AFDN: variants seen among roughly 807,000 people sequenced by gnomAD.
AFDN encodes the protein afadin, adherens junction formation factor, also known as afadin.
In AFDN, 68 loss-of-function variants were observed where a neutral mutation model predicts 216.6. The observed-to-expected ratio is 0.31, with a 90% CI of 0.26 to 0.38. The LOEUF (loss-of-function observed/expected upper bound fraction) is 0.38, where lower values mean the gene tolerates loss of function less well. Among genes scored for constraint, AFDN ranks in the 10% least tolerant of loss-of-function variants. The pLI is 1.00. For synonymous variants in AFDN, 868 were observed against 853.7 expected (o/e 1.02, Z -0.29); for missense variants, 2,136 against 2,342.0 (o/e 0.91, Z 1.82).
intron 13 of AFDN, among the ~76,000 whole-genome samples, chr6:167,909,024 C>CT (rs1297723268): frequency 6.6e-6 from 1 of 151,972 alleles, no homozygotes; most frequent in Admixed American, 6.5e-5. Flanking sequence ...AATGTAAACA[C>CT]TTTTTTACCA....
intron 1 of AFDN, among the ~76,000 whole-genome samples, chr6:167,839,932 C>T (rs1266623153): frequency 3.3e-5 from 5 of 152,136 alleles, no homozygotes; most frequent in Non-Finnish European, 7.4e-5. Context: ...GAGATGTGTC[C>T]TCTTTGTACC....
Position 167,965,750 on chromosome 6 carries a change from C to T in AFDN, c.4969-7C>T. On this transcript the variant is annotated splice_polypyrimidine_tract_variant and splice_region_variant and intron_variant, in intron 31 of 33. Coordinates refer to ENST00000683244, the MANE Select transcript of AFDN (RefSeq NM_001386888.1). ...ACCTTTGCACTCTTGTCTATTCCCGCCCGCAGAGGCGACAGGAAGAAGGGT... is the reference window on the plus strand; with the variant it reads ...ACCTTTGCACTCTTGTCTATTCCCGTCCGCAGAGGCGACAGGAAGAAGGGT... 3 of 1,526,262 alleles carry T rather than the reference C, an allele frequency of 2.0e-6. No homozygotes were observed. The highest frequency in any genetic ancestry group is 2.6e-6 in the Non-Finnish European group (3 of 1,137,804). 94.5% of individuals were successfully genotyped at this position (1,526,262 alleles called of 1,614,324 possible).
At position 167,940,465 on chromosome 6, in the gene AFDN, TCCACAGGAGAGA is replaced by T. The variant is rs1260810110; in HGVS notation, c.3100-2663_3100-2652del. ...GATGTAGGGGTGAGGGTGGAAACCA[TCCACAGGAGAGA>T]TGTGTGGACAGACACAGAGGGATGT... On this transcript the variant is annotated intron_variant, in intron 23 of 33. Transcript: ENST00000683244. Among the ~76,000 whole-genome samples, 49 of 34,548 alleles carry T rather than the reference TCCACAGGAGAGA, an allele frequency of 1.4e-3. 1 individual carries two copies. The highest frequency in any genetic ancestry group is 2.4e-3 in the South Asian group (1 of 418). The allele number at this position is 34,548 out of a possible 152,430, so 22.7% of individuals were successfully genotyped here. A position where few individuals can be genotyped will look rare whatever the true frequency, so the allele number is the denominator to read the frequency against.
rs114791412 is a variant in AFDN, at chr6:167,920,631, C to T, written c.2908+1698C>T. On this transcript the variant is annotated intron_variant, in intron 21 of 33. Transcript: ENST00000683244. Reference sequence around the variant, plus strand: ...GCGGATGGCGCTCTCCTGCCAGGAACTCTTCCTCTGTCATGTGTGGGATTA... The same window carrying T: ...GCGGATGGCGCTCTCCTGCCAGGAATTCTTCCTCTGTCATGTGTGGGATTA... Among the ~76,000 whole-genome samples the T allele has an allele frequency of 8.9e-3, 1,362 of 152,332 alleles. 13 individuals are homozygous for T. The highest frequency in any genetic ancestry group is 0.031 in the African/African-American group (1,290 of 41,564).
intron 6 of AFDN, among the ~76,000 whole-genome samples, chr6:167,885,530 A>G (rs1343248196): frequency 2.0e-5 from 3 of 152,234 alleles, no homozygotes; most frequent in African/African-American, 7.2e-5. Context: ...TGGAACATTC[A>G]GAACACACAC....
intron 30 of AFDN, among the ~76,000 whole-genome samples, chr6:167,958,012 A>T (rs1157879209): frequency 2.6e-5 from 4 of 152,206 alleles, no homozygotes. Flanking sequence ...TTGCCAGTAC[A>T]TGTTGAACAT....
intron 1 of AFDN, among the ~76,000 whole-genome samples, chr6:167,829,898 G>C (rs1779639078): frequency 6.6e-6 from 1 of 151,968 alleles, no homozygotes; most frequent in African/African-American, 2.4e-5. Context: ...TTTTTCCTTT[G>C]TATTCACATT....
chr6:167,833,088 C>T (rs956642100), intron 1 of AFDN, among the ~76,000 whole-genome samples: 8 of 152,174 alleles, frequency 5.3e-5, no homozygotes, highest in African/African-American at 1.9e-4. Flanking sequence ...TTATTAGTGC[C>T]TGACTGACCT....
chr6:167,959,167 G>A lies in AFDN; in HGVS notation c.4834-3266G>A, dbSNP rs181835329. ...GGTGTTAAGTCTCTGCCACAAGGGC[G>A]TTTCACCAGCTAAGCTCTAGATCTT... On this transcript the variant is annotated intron_variant, in intron 30 of 33. Transcript: ENST00000683244. Among the ~76,000 whole-genome samples, 179 of 152,324 alleles carry A rather than the reference G, an allele frequency of 1.2e-3. 2 individuals carry two copies. The highest frequency in any genetic ancestry group is 4.1e-4 in the Non-Finnish European group (28 of 68,036).
intron 32 of AFDN, 98 bp downstream of exon 32, chr6:167,966,143 CG>C: frequency 6.5e-7 from 1 of 1,535,096 alleles, no homozygotes; most frequent in African/African-American, 1.4e-5. Context: ...GCCCGGCCTC[CG>C]ATGGCGTCTT....
At chr6:167,828,105 A>G (rs1057262218) in intron 1 of AFDN, among the ~76,000 whole-genome samples, 3 of 152,194 alleles carry the variant, frequency 2.0e-5, no homozygotes, top group African/African-American at 7.2e-5. Context: ...CGCTCTGTTC[A>G]TTCGGTGGCT....
upstream of AFDN, chr6:167,826,857 A>ACGACGGCGGG (rs1554273024): frequency 7.0e-6 from 1 of 143,412 alleles, no homozygotes; most frequent in Non-Finnish European, 1.5e-5. Flanking sequence ...GGCGGCGCGC[A>ACGACGGCGGG]CGGCGGCGGG....
intron 1 of AFDN, among the ~76,000 whole-genome samples, chr6:167,856,110 T>C (rs1782866761): frequency 6.6e-6 from 1 of 152,188 alleles, no homozygotes; most frequent in Admixed American, 6.5e-5. Context: ...TGCCTGTTAG[T>C]CACATATAGC....
rs748578072 is a variant in AFDN, at chr6:167,962,459, G to A, written c.4860G>A (p.Gln1620=). 6.2e-7 allele frequency: 1 copy of A among 1,613,738 alleles called. No individual in the cohort carries two copies. The highest frequency in any genetic ancestry group is 8.5e-7 in the Non-Finnish European group (1 of 1,179,738). ...TGCAGGACGAGGAGCGGAGGCGGCA[G>A]CAGCAGTTAGAAGAGATGCGCAAGC... ...ARLQDEERRR[Q]QQLEEMRKRE... The change falls in exon 31 of 34, where the codon CAG becomes CAA. Residue 1620 remains glutamine (Q), a synonymous_variant. Transcript: ENST00000683244. This position sits in a 1 kb window ranked among gnomAD's most constrained non-coding sequence, Gnocchi z 5.2.
At chr6:167,852,606 G>A (rs762333206) in intron 1 of AFDN, among the ~76,000 whole-genome samples, 2 of 152,054 alleles carry the variant, frequency 1.3e-5, no homozygotes, top group African/African-American at 2.4e-5. Context: ...ACAAAATGGC[G>A]TTTTTCTAAT....
Position 167,907,289 on chromosome 6 carries a change from G to A in AFDN, c.1769G>A (p.Arg590Lys). 1 of 1,610,082 alleles carries A rather than the reference G, an allele frequency of 6.2e-7. No individual in the cohort carries two copies. The highest frequency in any genetic ancestry group is 8.5e-7 in the Non-Finnish European group (1 of 1,176,538). The change falls in exon 13 of 34, where the codon AGA becomes AAA. Residue 590 changes from arginine to lysine, a missense_variant and splice_region_variant. By Grantham distance (26) the Arg-to-Lys change is conservative (BLOSUM62 2). Transcript: ENST00000683244. Reference sequence around the variant, plus strand: ...CCAGATTATCGCAGGCAAGAAAGCAGGTAGGAAACACATCATTTTTCAATG... The same window carrying A: ...CCAGATTATCGCAGGCAAGAAAGCAAGTAGGAAACACATCATTTTTCAATG... The part of the protein sequence containing the change: ...QQPDYRRQES[R>K]TQDASGPELI...
At chr6:167,900,751 G>A (rs1788841672) in intron 11 of AFDN, among the ~76,000 whole-genome samples, 1 of 152,206 alleles carries the variant, frequency 6.6e-6, no homozygotes, top group Non-Finnish European at 1.5e-5. Flanking sequence ...TTTGGTAGGT[G>A]GCAGAGAAGC....
intron 23 of AFDN, among the ~76,000 whole-genome samples, chr6:167,933,923 A>C (rs570800053): frequency 1.3e-4 from 20 of 152,286 alleles, no homozygotes; most frequent in Admixed American, 1.2e-3. Context: ...GGCTTGCCCC[A>C]TCTCTCTCAG....
intron 1 of AFDN, chr6:167,827,567 C>T (rs1482315096): frequency 3.4e-5 from 5 of 145,516 alleles, no homozygotes; most frequent in Non-Finnish European, 7.6e-5. Context: ...GCGGCCCCGG[C>T]CTCATCCCCG....
Sources: gnomAD v4.1 joint callset for allele counts (sites outside exome capture counted in the v4.1 genomes callset) on GRCh38, gnomAD v4.1.1 for gene constraint, Gnocchi (gnomAD v3.1) non-coding constraint, MANE v1.5 for transcripts, NCBI Gene and HGNC (gene_info 2026-07-23, HGNC 2026-07-21) for gene names.